ASTN2: variants seen among roughly 807,000 people sequenced by gnomAD.
ASTN2 encodes astrotactin-2.
In ASTN2, 54 loss-of-function variants were observed where a neutral mutation model predicts 139.8. The observed-to-expected ratio is 0.39, with a 90% CI of 0.31 to 0.48. ASTN2 has a LOEUF of 0.48. ASTN2 is among the 20% of genes least tolerant of loss of function. The probability of loss-of-function intolerance (pLI) is 0.95; values close to 1 mark genes in which losing one functional copy is unlikely to be tolerated. For missense variants in ASTN2, 1,565 were observed against 1,725.1 expected (o/e 0.91, Z 1.64); for synonymous variants, 756 against 719.5 (o/e 1.05, Z -0.81).
chr9:116,499,543 C>T (rs568821023), intron 19 of ASTN2, among the ~76,000 whole-genome samples: 2 of 152,228 alleles, frequency 1.3e-5, no homozygotes, highest in South Asian at 4.2e-4. Flanking sequence ...AACTCATTGT[C>T]CTGTAATTAC....
chr9:116,743,280 G>A (rs913314797), intron 13 of ASTN2, among the ~76,000 whole-genome samples: 4 of 152,270 alleles, frequency 2.6e-5, no homozygotes, highest in Middle Eastern at 3.4e-3. Flanking sequence ...GCCGGGCATG[G>A]TGGCTTATGC....
intron 22 of ASTN2, among the ~76,000 whole-genome samples, chr9:116,432,692 G>C (rs146777003): frequency 6.1e-4 from 93 of 152,320 alleles, no homozygotes; most frequent in African/African-American, 2.2e-3. Flanking sequence ...CACTTTGGGA[G>C]GCTAAGGTGG....
chr9:117,354,151 G>T (rs1829469429), intron 1 of ASTN2, among the ~76,000 whole-genome samples: 1 of 152,092 alleles, frequency 6.6e-6, no homozygotes. Context: ...AAGGGCGGAA[G>T]GTACTCGGGA....
At chr9:116,827,925 G>T (rs551728588) in intron 11 of ASTN2, among the ~76,000 whole-genome samples, 7,827 of 67,130 alleles carry the variant, frequency 0.12, 623 homozygotes, top group Middle Eastern at 0.3. Context: ...AACCATACAA[G>T]GAAATAACAA....
At chr9:117,034,864 T>C (rs1034694046) in intron 6 of ASTN2, among the ~76,000 whole-genome samples, 3 of 152,182 alleles carry the variant, frequency 2.0e-5, no homozygotes, top group African/African-American at 7.2e-5. Context: ...GGGGTGAGAT[T>C]TGCCAAGGGT....
intron 1 of ASTN2, among the ~76,000 whole-genome samples, chr9:117,326,917 A>T (rs1828536143): frequency 6.6e-6 from 1 of 152,192 alleles, no homozygotes; most frequent in Non-Finnish European, 1.5e-5. Context: ...AGTGGATATA[A>T]GTTAAATCCT....
chr9:116,686,648 C>T, intron 16 of ASTN2: 1 of 1,527,514 alleles, frequency 6.5e-7, no homozygotes, highest in South Asian at 1.2e-5. Context: ...GGTAAGATTC[C>T]TCCACCTTCA....
chr9:117,303,482 A>T (rs1426134477), intron 1 of ASTN2, among the ~76,000 whole-genome samples: 1 of 152,068 alleles, frequency 6.6e-6, no homozygotes, highest in Admixed American at 6.5e-5. Context: ...CCCCTGCTTT[A>T]TAGCCCCCTA....
At chr9:117,034,211 G>A (rs1202273240) in intron 6 of ASTN2, among the ~76,000 whole-genome samples, 1 of 152,080 alleles carries the variant, frequency 6.6e-6, no homozygotes, top group Non-Finnish European at 1.5e-5. Flanking sequence ...GACCACATTG[G>A]GTGAATATAT....
At chr9:116,428,479 G>A (rs898794157) in intron 22 of ASTN2, among the ~76,000 whole-genome samples, 1 of 151,450 alleles carries the variant, frequency 6.6e-6, no homozygotes, top group Admixed American at 6.6e-5. Context: ...AACCAAGATC[G>A]CGCCACTGCA....
intron 1 of ASTN2, among the ~76,000 whole-genome samples, chr9:117,342,905 G>A (rs1285535322): frequency 6.6e-6 from 1 of 152,092 alleles, no homozygotes; most frequent in Non-Finnish European, 1.5e-5. Flanking sequence ...ACATTGAGTC[G>A]CCATCAAATG....
chr9:116,890,275 A>T (rs960913787), intron 10 of ASTN2, among the ~76,000 whole-genome samples: 6 of 152,186 alleles, frequency 3.9e-5, no homozygotes, highest in Non-Finnish European at 7.3e-5. Flanking sequence ...TTGGGGATTC[A>T]TCTGGCCATT....
chr9:116,975,128 G>A, intron 10 of ASTN2, 80 bp downstream of exon 10: 1 of 1,414,302 alleles, frequency 7.1e-7, no homozygotes, highest in Non-Finnish European at 9.4e-7. Context: ...CACTCCTTAG[G>A]GGTTCCTGTG....
Position 116,658,583 on chromosome 9 carries a change from A to G in ASTN2, c.2807-6790T>C, listed in dbSNP as rs537640476. On this transcript the variant is annotated intron_variant, in intron 16 of 22. Transcript: ENST00000313400. ...ATGGCACTGTTCCAGGTCTTACGAG[A>G]AGTCCCAAGCATTGGGGACCGCTGA... Among the ~76,000 whole-genome samples the G allele has an allele frequency of 3.3e-5, 5 of 152,226 alleles. No individual in the cohort carries two copies. The South Asian group carries it at 1.0e-3, about 32-fold the overall frequency.
At chr9:116,540,592 A>G (rs977058539) in intron 19 of ASTN2, 2 of 152,220 alleles carry the variant, frequency 1.3e-5, no homozygotes, top group Non-Finnish European at 2.9e-5. Context: ...TCCCACCTGT[A>G]GGTGCCTTCA....
chr9:116,479,383 C>G (rs12683023), intron 20 of ASTN2, among the ~76,000 whole-genome samples: 31,411 of 152,142 alleles, frequency 0.21, 3,351 homozygotes, highest in Middle Eastern at 0.25. Flanking sequence ...GCCCTGGCTG[C>G]CTCTGTGATG....
chr9:116,977,533 C>T (rs993505898), intron 7 of ASTN2, among the ~76,000 whole-genome samples: 14 of 151,964 alleles, frequency 9.2e-5, no homozygotes, highest in Admixed American at 9.2e-4. Flanking sequence ...GCTAGCATTA[C>T]ACACTGCCTT....
At chr9:117,246,586 G>T (rs1206218290) in intron 2 of ASTN2, among the ~76,000 whole-genome samples, 1 of 152,198 alleles carries the variant, frequency 6.6e-6, no homozygotes, top group Non-Finnish European at 1.5e-5. Context: ...ATAACTTCCT[G>T]CTGGCATCTC....
chr9:116,442,588 T>C, intron 20 of ASTN2, 35 bp from the exon 21 acceptor site: 3 of 1,583,410 alleles, frequency 1.9e-6, no homozygotes, highest in South Asian at 2.2e-5. Flanking sequence ...CACCAGGCTG[T>C]GACTTCACAG....
Sources: gnomAD v4.1 joint callset for allele counts (sites outside exome capture counted in the v4.1 genomes callset) on GRCh38, gnomAD v4.1.1 for gene constraint, MANE v1.5 for transcripts, NCBI Gene and HGNC (gene_info 2026-07-23, HGNC 2026-07-21) for gene names.